CAP2: variants seen among roughly 807,000 people sequenced by gnomAD.
The protein encoded by CAP2 is cyclase associated actin cytoskeleton regulatory protein 2, also known as adenylyl cyclase-associated protein 2.
Under a neutral mutation model 57.7 loss-of-function variants are expected in CAP2, and 24 were observed. The ratio of observed to expected loss-of-function variants is 0.42; its 90% CI spans 0.30 to 0.58. The LOEUF is 0.58. Ranked by LOEUF, CAP2 falls within the 20% of genes least tolerant of loss-of-function variation. CAP2 has a pLI of 0.22. For synonymous variants in CAP2, 194 were observed against 207.2 expected, an observed-to-expected ratio of 0.94 and a Z score of 0.55; for missense variants, 501 against 590.3, an observed-to-expected ratio of 0.85 and a Z score of 1.57.
At chr6:17,435,027 A>G (rs1165936580) in intron 3 of CAP2, among the ~76,000 whole-genome samples, 3 of 136,532 alleles carry the variant, frequency 2.2e-5, no homozygotes, top group Non-Finnish European at 3.1e-5. Context: ...AAAGTCAGGA[A>G]ACAACAGGTG....
At chr6:17,432,551 G>A (rs1759762733) in intron 3 of CAP2, among the ~76,000 whole-genome samples, 1 of 152,148 alleles carries the variant, frequency 6.6e-6, no homozygotes, top group Admixed American at 6.5e-5. Flanking sequence ...TTCACCAAAT[G>A]GCAGAGATCC....
At chr6:17,458,710 C>G (rs1190410999) in intron 3 of CAP2, among the ~76,000 whole-genome samples, 1 of 152,068 alleles carries the variant, frequency 6.6e-6, no homozygotes, top group East Asian at 1.9e-4. Flanking sequence ...TAAGCTAGTT[C>G]TTGCCTATTT....
In CAP2 at chr6:17,539,304, C is replaced by G. The variant is rs188418303; in HGVS notation, c.672C>G (p.Val224=). The G allele has an allele frequency of 1.2e-6, 2 of 1,613,916 alleles. No homozygotes were observed. The highest frequency in any genetic ancestry group is 1.7e-6 in the Non-Finnish European group (2 of 1,179,894). The change falls in exon 8 of 13, where the codon GTC becomes GTG. Residue 224 remains valine (V), a synonymous_variant. Coordinates refer to ENST00000229922, the MANE Select transcript of CAP2 (RefSeq NM_006366.3). The part of the protein sequence containing the change: ...PVASTVSAFS[V]LSSGPGLPPP... ...CATCCACAGTATCAGCGTTTTCTGT[C>G]CTCTCCTCTGGGCCTGGCCTTCCTC...
chr6:17,425,960 T>C (rs2113538149), intron 2 of CAP2, among the ~76,000 whole-genome samples: 1 of 151,950 alleles, frequency 6.6e-6, no homozygotes, highest in African/African-American at 2.4e-5. Flanking sequence ...CAGAGCACGG[T>C]GGCACGCATC....
At chr6:17,482,864 C>T (rs1002553982) in intron 4 of CAP2, among the ~76,000 whole-genome samples, 1 of 152,200 alleles carries the variant, frequency 6.6e-6, no homozygotes, top group Non-Finnish European at 1.5e-5. Flanking sequence ...AGGACATCAT[C>T]ATATGAATTA....
At chr6:17,437,131 A>G (rs1013781255) in intron 3 of CAP2, among the ~76,000 whole-genome samples, 1 of 152,180 alleles carries the variant, frequency 6.6e-6, no homozygotes, top group African/African-American at 2.4e-5. Context: ...ATATTACAAT[A>G]TAATAATAGA....
intron 4 of CAP2, among the ~76,000 whole-genome samples, chr6:17,477,395 A>G (rs1761178075): frequency 1.3e-5 from 2 of 152,182 alleles, no homozygotes; most frequent in South Asian, 2.1e-4. Context: ...TTTCCTTTAC[A>G]TTGACTATCT....
chr6:17,422,740 A>C (rs1309511219), intron 2 of CAP2, among the ~76,000 whole-genome samples: 1 of 152,172 alleles, frequency 6.6e-6, no homozygotes, highest in African/African-American at 2.4e-5. Flanking sequence ...GCTACTTCCC[A>C]AAAAGGGTAC....
intron 2 of CAP2, among the ~76,000 whole-genome samples, chr6:17,423,367 C>T (rs974380786): frequency 1.2e-4 from 19 of 152,196 alleles, no homozygotes; most frequent in African/African-American, 4.3e-4. Flanking sequence ...TTTTTTTCCG[C>T]ACCAACTGAG....
chr6:17,419,097 C>G (rs1759362856), intron 1 of CAP2, among the ~76,000 whole-genome samples: 1 of 152,156 alleles, frequency 6.6e-6, no homozygotes, highest in Non-Finnish European at 1.5e-5. Flanking sequence ...TGATGACCAT[C>G]TGACATTCAG....
intron 1 of CAP2, among the ~76,000 whole-genome samples, chr6:17,408,818 C>A (rs146120178): frequency 0.011 from 1,722 of 151,386 alleles, 21 homozygotes; most frequent in African/African-American, 0.037. Context: ...TGCAGGCGCC[C>A]GCCACCATGC....
At chr6:17,451,927 C>G (rs926007844) in intron 3 of CAP2, among the ~76,000 whole-genome samples, 1 of 152,132 alleles carries the variant, frequency 6.6e-6, no homozygotes, top group Non-Finnish European at 1.5e-5. Flanking sequence ...AATAGACAAT[C>G]CATATTTGAA....
At chr6:17,456,033 A>G (rs1760560027) in intron 3 of CAP2, among the ~76,000 whole-genome samples, 1 of 152,212 alleles carries the variant, frequency 6.6e-6, no homozygotes, top group Admixed American at 6.5e-5. Context: ...GCTAATGAAA[A>G]TGGAATAGAA....
chr6:17,497,245 G>T (rs1761690520), intron 4 of CAP2, among the ~76,000 whole-genome samples: 1 of 152,122 alleles, frequency 6.6e-6, no homozygotes, highest in Non-Finnish European at 1.5e-5. Flanking sequence ...AAGTCCCTCT[G>T]GGTTTAAGTA....
chr6:17,535,470 T>C (rs1282392237), intron 7 of CAP2, among the ~76,000 whole-genome samples: 1 of 152,118 alleles, frequency 6.6e-6, no homozygotes, highest in Non-Finnish European at 1.5e-5. Flanking sequence ...AGACGGGGTT[T>C]CGCCATGTTG....
intron 1 of CAP2, among the ~76,000 whole-genome samples, chr6:17,399,420 A>T (rs1321638969): frequency 1.3e-5 from 2 of 152,156 alleles, no homozygotes; most frequent in Admixed American, 1.3e-4. Flanking sequence ...TCTTTAGTAG[A>T]CACTTTTCCC....
At chr6:17,411,897 A>G (rs9477422) in intron 1 of CAP2, among the ~76,000 whole-genome samples, 15,379 of 152,132 alleles carry the variant, frequency 0.1, 2,609 homozygotes, top group African/African-American at 0.35. Flanking sequence ...ACAGAAATAG[A>G]AAGAGCTTCC....
In CAP2 at chr6:17,543,231, GTAAGCAGCCTTTCCAACCACGCTGTAA is replaced by G. The variant is rs547881223; in HGVS notation, c.1209+109_1209+135del. 2.8e-4 allele frequency: 304 copies of G among 1,093,688 alleles called. 2 individuals are homozygous for G. The highest frequency in any genetic ancestry group is 2.6e-3 in the South Asian group (204 of 78,084). 67.7% of individuals were successfully genotyped at this position (1,093,688 alleles called of 1,614,324 possible). On this transcript the variant is annotated intron_variant, in intron 11 of 12. Transcript: ENST00000229922. The stretch of plus-strand genomic sequence containing the variant: ...GCAGAGCCTTTCCAACCACGCTGTA[GTAAGCAGCCTTTCCAACCACGCTGTAA>G]TAAGCAGCCTTTCCAACCACACTGT...
intron 3 of CAP2, among the ~76,000 whole-genome samples, chr6:17,432,716 C>CT (rs1428282558): frequency 7.5e-5 from 5 of 66,240 alleles, no homozygotes; most frequent in Non-Finnish European, 1.1e-4. Flanking sequence ...CACCCCTCCA[C>CT]CCCCTTGCTT....
Sources: allele counts gnomAD v4.1 joint callset (sites outside exome capture counted in the v4.1 genomes callset), GRCh38; gene constraint gnomAD v4.1.1; transcripts MANE v1.5; gene names NCBI Gene and HGNC (gene_info 2026-07-23, HGNC 2026-07-21).